Variants in ACSL1 observed in about 807,000 individuals in gnomAD.
The protein encoded by ACSL1 is long-chain-fatty-acid--CoA ligase 1.
A neutral mutation model predicts 98.4 loss-of-function variants in ACSL1; 41 were observed. The observed-to-expected ratio is 0.42, with a 90% confidence interval of 0.32 to 0.54. The LOEUF is 0.54. Ranked by LOEUF, ACSL1 falls within the 20% of genes least tolerant of loss-of-function variation. The pLI is 0.13. For missense variants in ACSL1, 734 were observed against 883.1 expected (o/e 0.83, Z 2.14); for synonymous variants, 316 against 322.7 (o/e 0.98, Z 0.22).
intron 15 of ACSL1, 79 bp downstream of exon 15, chr4:184,764,774 G>T: frequency 7.8e-7 from 1 of 1,288,472 alleles, no homozygotes; most frequent in Non-Finnish European, 1.1e-6. Flanking sequence ...GAACCAGTCA[G>T]TGATTAACCC....
At chr4:184,776,450 G>A in intron 7 of ACSL1, 34 bp downstream of exon 7, 1 of 1,595,302 alleles carries the variant, frequency 6.3e-7, no homozygotes, top group Non-Finnish European at 8.5e-7. Context: ...CCCAGGGAAA[G>A]CCTTCAGAGA....
chr4:184,799,116 C>CT (rs34651371), intron 2 of ACSL1: 13,206 of 121,136 alleles, frequency 0.11, 1,038 homozygotes, highest in Non-Finnish European at 0.15. Flanking sequence ...TTACCTGATT[C>CT]TTTTTTTTTT....
intron 15 of ACSL1, among the ~76,000 whole-genome samples, chr4:184,764,039 C>T (rs2150281066): frequency 6.6e-6 from 1 of 152,278 alleles, no homozygotes; most frequent in East Asian, 1.9e-4. Context: ...GTGCTAGGTT[C>T]TAGAATATAT....
intron 2 of ACSL1, among the ~76,000 whole-genome samples, chr4:184,789,818 A>G (rs1241105936): frequency 6.6e-6 from 1 of 152,124 alleles, no homozygotes; most frequent in Non-Finnish European, 1.5e-5. Flanking sequence ...CATCCACAGA[A>G]AGCCAAAAAG....
chr4:184,800,029 G>T (rs1452415114), intron 2 of ACSL1, among the ~76,000 whole-genome samples: 2 of 152,070 alleles, frequency 1.3e-5, no homozygotes, highest in Admixed American at 6.6e-5. Flanking sequence ...CAGAGTTCTG[G>T]ACCTTCTACT....
intron 3 of ACSL1, among the ~76,000 whole-genome samples, chr4:184,785,173 A>C (rs569130951): frequency 6.6e-6 from 1 of 152,206 alleles, no homozygotes; most frequent in African/African-American, 2.4e-5. Flanking sequence ...ACCAAAGCCA[A>C]AAATATTTAC....
chr4:184,766,791 T>A lies in ACSL1; in HGVS notation c.1129-35A>T, dbSNP rs1763675694. 1 of 1,594,626 alleles carries A rather than the reference T, an allele frequency of 6.3e-7. No individual in the cohort carries two copies. Among genetic ancestry groups the A allele is most frequent in the Admixed American group, 1.7e-5 (1 of 59,082 alleles). On this transcript the variant is annotated intron_variant, in intron 12 of 20. Coordinates refer to ENST00000281455, the MANE Select transcript of ACSL1 (RefSeq NM_001995.5). The surrounding 1 kb of genome is among the most constrained non-coding windows in gnomAD (Gnocchi z 4.8). ...CAAGACATGAGAAAGTTTTCACACCTACTAGGATGGCCAGAGTCAAAGAGT... is the reference window on the plus strand; with the variant it reads ...CAAGACATGAGAAAGTTTTCACACCAACTAGGATGGCCAGAGTCAAAGAGT...
At chr4:184,790,154 C>T (rs747194207) in intron 2 of ACSL1, among the ~76,000 whole-genome samples, 5 of 152,166 alleles carry the variant, frequency 3.3e-5, no homozygotes, top group South Asian at 4.1e-4. Flanking sequence ...GATGAACTCA[C>T]AGGGAGACCC....
intron 3 of ACSL1, among the ~76,000 whole-genome samples, chr4:184,786,215 A>G (rs906997470): frequency 2.0e-5 from 3 of 152,254 alleles, no homozygotes; most frequent in Non-Finnish European, 2.9e-5. Flanking sequence ...CATGTTTAAC[A>G]TAAGAAGCGT....
Position 184,773,947 on chromosome 4 carries a change from C to A in ACSL1, c.757-72G>T. ...TGTAAAGGATAAGGTCACATCGAGT[C>A]ACTTAAAGCTGGCTTTACTGTGGGG... On this transcript the variant is annotated intron_variant, in intron 7 of 20. Transcript: ENST00000281455. The surrounding 1 kb of genome is among the most constrained non-coding windows in gnomAD (Gnocchi z 4.3). The A allele has an allele frequency of 1.3e-6, 2 of 1,567,232 alleles. No homozygotes were observed. Among genetic ancestry groups the A allele is most frequent in the South Asian group, 2.3e-5 (2 of 88,686 alleles).
intron 11 of ACSL1, among the ~76,000 whole-genome samples, chr4:184,769,262 G>C (rs192049641): frequency 6.6e-6 from 1 of 152,256 alleles, no homozygotes; most frequent in East Asian, 1.9e-4. Flanking sequence ...TCTAATACCA[G>C]AGTGGCTTGC....
chr4:184,793,703 G>A (rs1322705963), intron 2 of ACSL1, among the ~76,000 whole-genome samples: 2 of 152,166 alleles, frequency 1.3e-5, no homozygotes, highest in East Asian at 3.9e-4. Context: ...AGGGGGAGAG[G>A]CAGAGCCAAG....
At chr4:184,791,722 C>T (rs1365096635) in intron 2 of ACSL1, among the ~76,000 whole-genome samples, 2 of 152,126 alleles carry the variant, frequency 1.3e-5, no homozygotes, top group Non-Finnish European at 2.9e-5. Context: ...CTCCTACAGA[C>T]CTGGATAGGG....
At chr4:184,816,787 T>C (rs563816608) in intron 1 of ACSL1, among the ~76,000 whole-genome samples, 3 of 152,210 alleles carry the variant, frequency 2.0e-5, no homozygotes, top group African/African-American at 7.2e-5. Context: ...TCCACGGCTC[T>C]ATGGTTCTAC....
At chr4:184,779,323 G>A (rs62338200) in intron 5 of ACSL1, among the ~76,000 whole-genome samples, 170 of 152,082 alleles carry the variant, frequency 1.1e-3, no homozygotes, top group African/African-American at 3.7e-3. Flanking sequence ...TGCTTCTTCC[G>A]CATTTTCTCT....
rs183721618 is a variant in ACSL1 at position 184,775,780 on chromosome 4, T to C, written c.756+704A>G. Among the ~76,000 whole-genome samples the C allele has an allele frequency of 1.1e-3, 164 of 152,336 alleles. 1 individual carries two copies. The highest frequency in any genetic ancestry group is 3.8e-3 in the African/African-American group (159 of 41,580). On this transcript the variant is annotated intron_variant, in intron 7 of 20. Coordinates refer to ENST00000281455, the MANE Select transcript of ACSL1 (RefSeq NM_001995.5). ...GTTTCAGAAAAATATTTCTAACACCTTCAGAAAGAGAAGGACTGACTCTGT... is the reference window on the plus strand; with the variant it reads ...GTTTCAGAAAAATATTTCTAACACCCTCAGAAAGAGAAGGACTGACTCTGT...
rs557938475 is a variant in ACSL1 at position 184,757,449 on chromosome 4, T to A, written c.1957-184A>T. 3.2e-4 allele frequency among the ~76,000 whole-genome samples: 49 copies of A among 152,336 alleles called. No individual in the cohort carries two copies. The highest frequency in any genetic ancestry group is 6.8e-3 in the Middle Eastern group (2 of 294). On this transcript the variant is annotated intron_variant, in intron 20 of 20. Transcript: ENST00000281455. The surrounding 1 kb of genome is among the most constrained non-coding windows in gnomAD (Gnocchi z 4.5). ...CTTAGGATAGGATTCGGGATCATAT[T>A]CTGATATCCAGGAAAAGAGAATAAA...
intron 1 of ACSL1, among the ~76,000 whole-genome samples, chr4:184,818,210 G>C (rs1414194391): frequency 2.0e-5 from 3 of 152,176 alleles, no homozygotes; most frequent in African/African-American, 7.2e-5. Context: ...TGAGCCATTT[G>C]ACCATTTCAC....
intron 15 of ACSL1, 48 bp from the exon 16 acceptor site, chr4:184,763,303 A>T (rs1055823993): frequency 3.2e-6 from 5 of 1,539,766 alleles, no homozygotes; most frequent in African/African-American, 1.4e-5. Context: ...ACTACTCATA[A>T]CCTCAGGTCA....
Sources: allele counts gnomAD v4.1 joint callset (sites outside exome capture counted in the v4.1 genomes callset), GRCh38; gene constraint gnomAD v4.1.1; non-coding constraint Gnocchi (gnomAD v3.1); transcripts MANE v1.5; gene names NCBI Gene and HGNC (gene_info 2026-07-23, HGNC 2026-07-21).